Variants in GLIS2 observed in about 807,000 individuals in gnomAD.
GLIS2 encodes zinc finger protein GLIS2.
In GLIS2, 14 loss-of-function variants were observed where a neutral mutation model predicts 35.6. The ratio of observed to expected loss-of-function variants is 0.39; its 90% CI spans 0.26 to 0.61. The LOEUF (loss-of-function observed/expected upper bound fraction) is 0.61. Among genes scored for constraint, GLIS2 ranks in the 20% least tolerant of loss-of-function variants. GLIS2 has a pLI of 0.48. For synonymous variants in GLIS2, 368 were observed against 325.1 expected, an observed-to-expected ratio of 1.13 and a Z score of -1.42; for missense variants, 675 against 713.4, an observed-to-expected ratio of 0.95 and a Z score of 0.61.
At chr16:4,330,323 T>A (rs929642368) in intron 1 of GLIS2, among the ~76,000 whole-genome samples, 1 of 152,166 alleles carries the variant, frequency 6.6e-6, no homozygotes, top group South Asian at 2.1e-4. Context: ...AGAAAAATGA[T>A]GAAAATTACA....
At chr16:4,330,965 G>A (rs1008042621) in intron 1 of GLIS2, among the ~76,000 whole-genome samples, 7 of 151,002 alleles carry the variant, frequency 4.6e-5, no homozygotes, top group South Asian at 2.1e-4. Context: ...GCTTAAAAGC[G>A]TTTGGCTTTT....
Position 4,336,996 on chromosome 16 carries a change from T to G in GLIS2, c.1047T>G (p.Ser349Arg), listed in dbSNP as rs747706593. Residue 349 changes from serine to arginine, a missense_variant, in exon 7 of 7, where the codon AGT becomes AGG. Physicochemically the swap from Ser to Arg is moderately radical, Grantham distance 110 (BLOSUM62 -1). Around this residue, in one of 3 missense-constraint regions of GLIS2, gnomAD observed 317 missense variants for 283.2 expected, o/e 1.12. Coordinates refer to ENST00000433375, the MANE Select transcript of GLIS2 (RefSeq NM_032575.3). ...LPAPDGGPYV[S>R]GAQIIIPNPA... is the part of the protein sequence containing the mutation. ...CCCCCGACGGCGGCCCCTATGTCAG[T>G]GGGGCCCAGATCATCATCCCCAACC... 11 of 1,607,374 alleles carry G rather than the reference T, an allele frequency of 6.8e-6. No individual in the cohort carries two copies. Among genetic ancestry groups the G allele is most frequent in the African/African-American group, 1.3e-5 (1 of 74,810 alleles).
In GLIS2 at chr16:4,337,987, C is replaced by T; in HGVS notation, c.*463C>T. Reference sequence around the variant, plus strand: ...GGGACCAGAGGCCTGCCCTTCCCTCCTAGGCTTACCCAGCCCCTGCCCTGG... The same window carrying T: ...GGGACCAGAGGCCTGCCCTTCCCTCTTAGGCTTACCCAGCCCCTGCCCTGG... On this transcript the variant is annotated 3_prime_UTR_variant, in exon 7 of 7. Transcript: ENST00000433375. 1 of 266,412 alleles carries T rather than the reference C, an allele frequency of 3.8e-6. No homozygotes were observed. Among genetic ancestry groups the T allele is most frequent in the Non-Finnish European group, 7.3e-6 (1 of 136,088 alleles). The allele number at this position is 266,412 out of a possible 1,614,324, so 16.5% of individuals were successfully genotyped here.
intron 1 of GLIS2, among the ~76,000 whole-genome samples, chr16:4,323,291 T>C (rs1013314767): frequency 6.6e-6 from 1 of 152,054 alleles, no homozygotes; most frequent in East Asian, 1.9e-4. Context: ...TCTGGTCCCC[T>C]CCCCTCCCAG....
chr16:4,317,961 G>T (rs908436888), intron 1 of GLIS2, among the ~76,000 whole-genome samples: 5 of 152,168 alleles, frequency 3.3e-5, no homozygotes, highest in Admixed American at 3.3e-4. Context: ...AATCCCTCCA[G>T]CTGGGGCTCT....
rs1462298171 is a variant in GLIS2, at chr16:4,333,342, C to T, written c.173-5C>T. 10 of 1,612,952 alleles carry T rather than the reference C, an allele frequency of 6.2e-6. No homozygotes were observed. Among genetic ancestry groups the T allele is most frequent in the Non-Finnish European group, 8.5e-6 (10 of 1,180,018 alleles). On this transcript the variant is annotated splice_polypyrimidine_tract_variant and splice_region_variant and intron_variant, in intron 2 of 6. Coordinates refer to ENST00000433375, the MANE Select transcript of GLIS2 (RefSeq NM_032575.3). ...AGCACACCCTGAACTGTGCCTCTCC[C>T]TCAGGCTTCCTGCTGAACTCCAAGT...
chr16:4,335,266 C>G lies in GLIS2; in HGVS notation c.657-9C>G, dbSNP rs2053538330. The stretch of plus-strand genomic sequence containing the variant: ...AGCTGAGCCGTGCCCCCCGCCCTCC[C>G]TGGAGCAGGTACAAGATGCTCATCC... On this transcript the variant is annotated splice_polypyrimidine_tract_variant and intron_variant, in intron 5 of 6. Transcript: ENST00000433375. This position sits in a 1 kb window ranked among gnomAD's most constrained non-coding sequence, Gnocchi z 4.6. 6.2e-7 allele frequency: 1 copy of G among 1,613,790 alleles called. No individual in the cohort carries two copies.
chr16:4,315,666 CG>C (rs775747342), upstream of GLIS2, among the ~76,000 whole-genome samples: 2,056 of 138,476 alleles, frequency 0.015, 26 homozygotes, highest in African/African-American at 0.026. Flanking sequence ...GGCGGGGCCG[CG>C]GGGGGGGGGT....
At chr16:4,329,878 C>T (rs750178100) in intron 1 of GLIS2, among the ~76,000 whole-genome samples, 21 of 152,158 alleles carry the variant, frequency 1.4e-4, no homozygotes, top group Non-Finnish European at 2.8e-4. Flanking sequence ...CGTGTTTAAC[C>T]GCGTAGGAAA....
chr16:4,316,015 G>A (rs1421187596), upstream of GLIS2, among the ~76,000 whole-genome samples: 1 of 15,464 alleles, frequency 6.5e-5, no homozygotes, highest in Non-Finnish European at 1.5e-4. Flanking sequence ...CCCTCCTCCC[G>A]CCCGCCCGCC....
rs1170482005 is a variant in GLIS2 at position 4,338,258 on chromosome 16, G to C, written c.*734G>C. ...TCCCTCTACCTTTTGGGGCACCCTGGGAGCGTGGGAAGCAGGTCCGAGGGC... is the reference window on the plus strand; with the variant it reads ...TCCCTCTACCTTTTGGGGCACCCTGCGAGCGTGGGAAGCAGGTCCGAGGGC... On this transcript the variant is annotated 3_prime_UTR_variant, in exon 7 of 7. Coordinates refer to ENST00000433375, the MANE Select transcript of GLIS2 (RefSeq NM_032575.3). 1 of 152,832 alleles carries C rather than the reference G, an allele frequency of 6.5e-6. No homozygotes were observed. The highest frequency in any genetic ancestry group is 1.9e-4 in the East Asian group (1 of 5,194). 9.5% of individuals were successfully genotyped at this position (152,832 alleles called of 1,614,324 possible). A position where few individuals can be genotyped will look rare whatever the true frequency, so the allele number is the denominator to read the frequency against.
At position 4,337,593 on chromosome 16, in the gene GLIS2, C is replaced by T; in HGVS notation, c.*69C>T. The T allele has an allele frequency of 6.5e-7, 1 of 1,531,342 alleles. No homozygotes were observed. Among genetic ancestry groups the T allele is most frequent in the East Asian group, 2.4e-5 (1 of 40,906 alleles). 94.9% of individuals were successfully genotyped at this position (1,531,342 alleles called of 1,614,324 possible). A position where few individuals can be genotyped will look rare whatever the true frequency, so the allele number is the denominator to read the frequency against. ...GCACTGCCCCCGACGAACGGAAACTCTTCTGTGAAATAGCAATAATGTCCT... is the reference window on the plus strand; with the variant it reads ...GCACTGCCCCCGACGAACGGAAACTTTTCTGTGAAATAGCAATAATGTCCT... On this transcript the variant is annotated 3_prime_UTR_variant, in exon 7 of 7. Coordinates refer to ENST00000433375, the MANE Select transcript of GLIS2 (RefSeq NM_032575.3).
At chr16:4,324,159 G>A (rs926242719) in intron 1 of GLIS2, among the ~76,000 whole-genome samples, 2 of 152,168 alleles carry the variant, frequency 1.3e-5, no homozygotes, top group African/African-American at 2.4e-5. Flanking sequence ...CAAAAGGTCC[G>A]GGGGTGCTGG....
chr16:4,337,329 C>A lies in GLIS2; in HGVS notation c.1380C>A (p.Gly460=). The A allele has an allele frequency of 6.3e-7, 1 of 1,580,618 alleles. No individual in the cohort carries two copies. Among genetic ancestry groups the A allele is most frequent in the Non-Finnish European group, 8.6e-7 (1 of 1,165,090 alleles). ...SVPTRALGME[G]HKTPLERTES... The stretch of plus-strand genomic sequence containing the variant: ...CCACCAGGGCCCTGGGCATGGAGGG[C>A]CACAAGACGCCCCTTGAAAGGACGG... The change falls in exon 7 of 7, where the codon GGC becomes GGA. Residue 460 remains glycine, a synonymous_variant. Transcript: ENST00000433375.
At position 4,337,433 on chromosome 16, in the gene GLIS2, A is replaced by C. The variant is rs376570389; in HGVS notation, c.1484A>C (p.Asn495Thr). The stretch of plus-strand genomic sequence containing the variant: ...GTGCTGGACCTGTCCACGGGCGTCA[A>C]CTCAGCTGCCAGCAGCCCAGAGGCG... ...GTVLDLSTGV[N>T]SAASSPEALA... is the part of the protein sequence containing the mutation. The change falls in exon 7 of 7, where the codon AAC (asparagine) becomes ACC (threonine). Residue 495 changes from asparagine (N) to threonine (T), a missense_variant. Transcript: ENST00000433375. 2 of 1,583,236 alleles carry C rather than the reference A, an allele frequency of 1.3e-6. No individual in the cohort carries two copies. Among genetic ancestry groups the C allele is most frequent in the South Asian group, 2.3e-5 (2 of 87,162 alleles).
chr16:4,324,756 A>C (rs1005426393), intron 1 of GLIS2: 6 of 152,298 alleles, frequency 3.9e-5, no homozygotes, highest in Non-Finnish European at 8.8e-5. Context: ...TTGGATGTGC[A>C]GCACTGCATT....
At position 4,335,087 on chromosome 16, in the gene GLIS2, G is replaced by A; in HGVS notation, c.550G>A (p.Asp184Asn). 6.2e-7 allele frequency: 1 copy of A among 1,613,502 alleles called. No individual in the cohort carries two copies. The highest frequency in any genetic ancestry group is 1.7e-5 in the Admixed American group (1 of 60,026). Residue 184 changes from aspartate (D) to asparagine (N), a missense_variant, in exon 5 of 7, where the codon GAC (aspartate) becomes AAC (asparagine). Asp to Asn is a conservative substitution (Grantham distance 23). Coordinates refer to ENST00000433375, the MANE Select transcript of GLIS2 (RefSeq NM_032575.3). This position sits in a 1 kb window ranked among gnomAD's most constrained non-coding sequence, Gnocchi z 4.6. ...KCNQLFELLQ[D>N]LVDHVNDYHV... The stretch of plus-strand genomic sequence containing the variant: ...TAACCAGCTCTTTGAGCTCCTGCAA[G>A]ACCTGGTGGACCATGTCAACGATTA...
chr16:4,337,551 C>A lies in GLIS2; in HGVS notation c.*27C>A, dbSNP rs1033988772. On this transcript the variant is annotated 3_prime_UTR_variant, in exon 7 of 7. Coordinates refer to ENST00000433375, the MANE Select transcript of GLIS2 (RefSeq NM_032575.3). The stretch of plus-strand genomic sequence containing the variant: ...CCCATCCTGCGGACAGTTGTGGTGC[C>A]CCCCCGGCAGCTCCCGGCACTGCCC... 2.6e-6 allele frequency: 4 copies of A among 1,543,190 alleles called. No individual in the cohort carries two copies. The highest frequency in any genetic ancestry group is 2.4e-5 in the South Asian group (2 of 84,654).
Position 4,316,303 on chromosome 16 carries a change from G to A in GLIS2, c.-67+49G>A, listed in dbSNP as rs1417391935. 2.8e-5 allele frequency among the ~76,000 whole-genome samples: 4 copies of A among 143,888 alleles called. No homozygotes were observed. In the South Asian group the frequency reaches 8.7e-4, roughly 31 times the overall value. 94.4% of individuals were successfully genotyped at this position (143,888 alleles called of 152,430 possible). On this transcript the variant is annotated intron_variant, in intron 1 of 6. Transcript: ENST00000433375. ...GCCGTGGGGACCGGGCCGGGGCGGGGGGGGGGGGGCCCGCCTGTCGCGCCG... is the reference window on the plus strand; with the variant it reads ...GCCGTGGGGACCGGGCCGGGGCGGGAGGGGGGGGGCCCGCCTGTCGCGCCG...
Sources: gnomAD v4.1 joint callset for allele counts (sites outside exome capture counted in the v4.1 genomes callset) on GRCh38, gnomAD v4.1.1 for gene constraint, gnomAD v4.1.1 regional missense constraint, Gnocchi (gnomAD v3.1) non-coding constraint, MANE v1.5 for transcripts, NCBI Gene and HGNC (gene_info 2026-07-23, HGNC 2026-07-21) for gene names.